CNPY1: variants seen among roughly 807,000 people sequenced by gnomAD.
CNPY1 encodes protein canopy homolog 1.
Under a neutral mutation model 14.4 loss-of-function variants are expected in CNPY1, and 14 were observed. The ratio of observed to expected loss-of-function variants is 0.97; its 90% CI spans 0.64 to 1.52. The LOEUF (loss-of-function observed/expected upper bound fraction) is 1.52. Among genes scored for constraint, CNPY1 ranks in the 40% most tolerant of loss-of-function variants. CNPY1 has a pLI of 0.00. For synonymous variants in CNPY1, 43 were observed against 46.5 expected, an observed-to-expected ratio of 0.92 and a Z score of 0.31; for missense variants, 129 against 131.5, an observed-to-expected ratio of 0.98 and a Z score of 0.09.
intron 2 of CNPY1, among the ~76,000 whole-genome samples, chr7:155,540,744 G>A (rs1467562745): frequency 6.6e-6 from 1 of 152,226 alleles, no homozygotes; most frequent in Non-Finnish European, 1.5e-5. Context: ...CCTGTATCCA[G>A]TGACTGGAGC....
rs1367511765 is a variant in CNPY1 at position 155,501,586 on chromosome 7, T to A, written c.*1482A>T. ...TAGGAGAATGTTCCTGATTTACTACTTTAAATGCCAAATTAACCTTAACTA... is the reference window on the plus strand; with the variant it reads ...TAGGAGAATGTTCCTGATTTACTACATTAAATGCCAAATTAACCTTAACTA... On this transcript the variant is annotated 3_prime_UTR_variant, in exon 5 of 5. Coordinates refer to ENST00000636446, the MANE Select transcript of CNPY1 (RefSeq NM_001393663.1). The A allele has an allele frequency of 6.6e-6, 1 of 152,248 alleles. No individual in the cohort carries two copies. Among genetic ancestry groups the A allele is most frequent in the Non-Finnish European group, 1.5e-5 (1 of 68,042 alleles). 9.4% of individuals were successfully genotyped at this position (152,248 alleles called of 1,614,324 possible).
chr7:155,506,020 A>G (rs11982394), intron 4 of CNPY1, among the ~76,000 whole-genome samples: 9,408 of 152,284 alleles, frequency 0.062, 960 homozygotes, highest in African/African-American at 0.21. Context: ...TGTTCTGTTA[A>G]TGGGAGATTT....
At chr7:155,542,828 A>C (rs1457173216) in intron 2 of CNPY1, among the ~76,000 whole-genome samples, 1 of 152,184 alleles carries the variant, frequency 6.6e-6, no homozygotes, top group Non-Finnish European at 1.5e-5. Flanking sequence ...TCTTCTAAGC[A>C]AGGGAGGCCT....
chr7:155,515,137 T>C (rs1402767912), intron 2 of CNPY1, among the ~76,000 whole-genome samples: 1 of 151,986 alleles, frequency 6.6e-6, no homozygotes, highest in Non-Finnish European at 1.5e-5. Context: ...CAGAAAACAT[T>C]GTATGGCTTC....
intron 1 of CNPY1, among the ~76,000 whole-genome samples, chr7:155,546,150 T>A (rs1271753862): frequency 6.6e-6 from 1 of 152,010 alleles, no homozygotes; most frequent in East Asian, 1.9e-4. Flanking sequence ...GTACTTTGTG[T>A]TTTCAAAACC....
intron 2 of CNPY1, chr7:155,510,447 A>G (rs982816051): frequency 1.3e-5 from 2 of 152,184 alleles, no homozygotes; most frequent in Admixed American, 1.3e-4. Flanking sequence ...ACCGCCGCCG[A>G]TTAACTATCA....
intron 1 of CNPY1, 58 bp from the exon 2 acceptor site, chr7:155,546,001 G>C: frequency 2.5e-6 from 1 of 398,522 alleles, no homozygotes; most frequent in African/African-American, 2.1e-5. Flanking sequence ...AGCCGGGCCT[G>C]TGGAGTGGCT....
At position 155,502,166 on chromosome 7, in the gene CNPY1, T is replaced by A. The variant is rs1314960258; in HGVS notation, c.*902A>T. 6.6e-6 allele frequency: 1 copy of A among 152,186 alleles called. No individual in the cohort carries two copies. The highest frequency in any genetic ancestry group is 1.5e-5 in the Non-Finnish European group (1 of 68,024). 9.4% of individuals were successfully genotyped at this position (152,186 alleles called of 1,614,324 possible). A position where few individuals can be genotyped will look rare whatever the true frequency, so the allele number is the denominator to read the frequency against. On this transcript the variant is annotated 3_prime_UTR_variant, in exon 5 of 5. Transcript: ENST00000636446. Reference sequence around the variant, plus strand: ...AGATAAAGAAATTTCCGGGAGTGATTGTTACTAGACTTTGTATATTAAGTG... The same window carrying A: ...AGATAAAGAAATTTCCGGGAGTGATAGTTACTAGACTTTGTATATTAAGTG...
chr7:155,525,305 C>T lies in CNPY1; in HGVS notation c.100-16208G>A, dbSNP rs112372777. ...AAGCGATTCTCCTGCCTCAGCCTCC[C>T]GAGTAGCTGGGATTACAGGCATGCG... On this transcript the variant is annotated intron_variant, in intron 2 of 4. Transcript: ENST00000636446. 7.2e-5 allele frequency among the ~76,000 whole-genome samples: 11 copies of T among 152,232 alleles called. 1 individual carries two copies. The highest frequency in any genetic ancestry group is 6.2e-4 in the South Asian group (3 of 4,820).
intron 2 of CNPY1, among the ~76,000 whole-genome samples, chr7:155,516,130 C>T (rs919735753): frequency 1.3e-5 from 2 of 152,122 alleles, no homozygotes; most frequent in African/African-American, 2.4e-5. Flanking sequence ...GTCCAGGATT[C>T]GAAGGGAATG....
chr7:155,517,929 T>C (rs1452208812), intron 2 of CNPY1, among the ~76,000 whole-genome samples: 2 of 152,230 alleles, frequency 1.3e-5, no homozygotes, highest in South Asian at 2.1e-4. Context: ...TCTTAGATCT[T>C]AAACACCTTT....
At position 155,515,162 on chromosome 7, in the gene CNPY1, C is replaced by G. The variant is rs917510821; in HGVS notation, c.100-6065G>C. Among the ~76,000 whole-genome samples, 3 of 152,128 alleles carry G rather than the reference C, an allele frequency of 2.0e-5. 1 individual carries two copies. Among genetic ancestry groups the G allele is most frequent in the Admixed American group, 2.0e-4 (3 of 15,268 alleles). On this transcript the variant is annotated intron_variant, in intron 2 of 4. Coordinates refer to ENST00000636446, the MANE Select transcript of CNPY1 (RefSeq NM_001393663.1). ...TGTATGGCTTCCGGGGAGGCAGAGACCGCTGCAAGCAGAGGGGCTTCAAGG... is the reference window on the plus strand; with the variant it reads ...TGTATGGCTTCCGGGGAGGCAGAGAGCGCTGCAAGCAGAGGGGCTTCAAGG...
chr7:155,522,874 G>A (rs1213933523), intron 2 of CNPY1, among the ~76,000 whole-genome samples: 3 of 152,134 alleles, frequency 2.0e-5, no homozygotes, highest in Admixed American at 6.5e-5. Context: ...CCTGCCAAAC[G>A]TTCTATGGAA....
chr7:155,535,790 T>C (rs945873889), intron 2 of CNPY1, among the ~76,000 whole-genome samples: 1 of 152,146 alleles, frequency 6.6e-6, no homozygotes, highest in Admixed American at 6.5e-5. Context: ...GGTCGTGTCA[T>C]TGGATGCATT....
intron 2 of CNPY1, among the ~76,000 whole-genome samples, chr7:155,532,545 C>T (rs1252066471): frequency 6.6e-6 from 1 of 151,966 alleles, no homozygotes; most frequent in East Asian, 1.9e-4. Flanking sequence ...GGCGTGAACC[C>T]GGGAGGCGGA....
At position 155,501,476 on chromosome 7, in the gene CNPY1, A is replaced by C. The variant is rs1796106141; in HGVS notation, c.*1592T>G. 6.6e-6 allele frequency: 1 copy of C among 152,198 alleles called. No homozygotes were observed. Among genetic ancestry groups the C allele is most frequent in the South Asian group, 2.1e-4 (1 of 4,836 alleles). 9.4% of individuals were successfully genotyped at this position (152,198 alleles called of 1,614,324 possible). ...TTTTCACTGAAGCTTACTTAGTGTC[A>C]CAGGTCCCGCCATGTTCCTGTGAAG... On this transcript the variant is annotated 3_prime_UTR_variant, in exon 5 of 5. Coordinates refer to ENST00000636446, the MANE Select transcript of CNPY1 (RefSeq NM_001393663.1).
intron 4 of CNPY1, 83 bp downstream of exon 4, chr7:155,506,937 G>T: frequency 1.1e-6 from 1 of 888,082 alleles, no homozygotes; most frequent in Non-Finnish European, 1.8e-6. Flanking sequence ...AGCGAGGCTC[G>T]GTCTGCAAAC....
intron 2 of CNPY1, among the ~76,000 whole-genome samples, chr7:155,544,545 A>G (rs1425817228): frequency 1.3e-5 from 2 of 152,180 alleles, no homozygotes; most frequent in Non-Finnish European, 2.9e-5. Flanking sequence ...CACATTACAC[A>G]TGTGGACACA....
chr7:155,526,932 T>C (rs899366567), intron 2 of CNPY1, among the ~76,000 whole-genome samples: 8 of 152,178 alleles, frequency 5.3e-5, no homozygotes, highest in Non-Finnish European at 4.4e-5. Context: ...CGTCACTGTG[T>C]GGTGGCAAAA....
Sources: gnomAD v4.1 joint callset for allele counts (sites outside exome capture counted in the v4.1 genomes callset) on GRCh38, gnomAD v4.1.1 for gene constraint, MANE v1.5 for transcripts, NCBI Gene and HGNC (gene_info 2026-07-23, HGNC 2026-07-21) for gene names.